Variants in LRRC4C observed in about 807,000 individuals in gnomAD.
LRRC4C encodes leucine-rich repeat-containing protein 4C.
A neutral mutation model predicts 33.6 loss-of-function variants in LRRC4C; 5 were observed. That is an observed-to-expected ratio of 0.15 (90% CI 0.08 to 0.31). The LOEUF (loss-of-function observed/expected upper bound fraction) is 0.31. LRRC4C is among the 10% of genes least tolerant of loss of function. The probability of loss-of-function intolerance (pLI) is 1.00; values close to 1 mark genes in which losing one functional copy is unlikely to be tolerated. For synonymous variants in LRRC4C, 329 were observed against 302.0 expected (o/e 1.09, Z -0.93); for missense variants, 560 against 796.7 (o/e 0.70, Z 3.58).
At chr11:40,584,395 G>C (rs1398100511) in intron 3 of LRRC4C, among the ~76,000 whole-genome samples, 1 of 151,496 alleles carries the variant, frequency 6.6e-6, no homozygotes, top group East Asian at 2.0e-4. Context: ...AGAATCACTG[G>C]TGTGGAGGAC....
intron 2 of LRRC4C, among the ~76,000 whole-genome samples, chr11:40,741,890 C>G (rs1266189100): frequency 6.6e-6 from 1 of 151,954 alleles, no homozygotes; most frequent in East Asian, 1.9e-4. Flanking sequence ...TTCATGATAG[C>G]CAAAGATAGA....
intron 5 of LRRC4C, among the ~76,000 whole-genome samples, chr11:40,143,616 CT>C (rs758962517): frequency 1.3e-5 from 2 of 152,162 alleles, no homozygotes; most frequent in Non-Finnish European, 2.9e-5. Context: ...ATGCAAATAC[CT>C]GTATACTTTG....
chr11:41,307,521 T>C (rs1950538489), intron 1 of LRRC4C, among the ~76,000 whole-genome samples: 1 of 152,174 alleles, frequency 6.6e-6, no homozygotes, highest in Non-Finnish European at 1.5e-5. Context: ...AATGGGCCCT[T>C]ACTTACAAAC....
chr11:41,184,815 CAAA>C (rs34577485), intron 1 of LRRC4C, among the ~76,000 whole-genome samples: 16 of 112,466 alleles, frequency 1.4e-4, no homozygotes, highest in South Asian at 2.8e-4. Context: ...GGGCAATTTA[CAAA>C]AAAAAAAAAA....
At chr11:40,765,234 G>T (rs1949394908) in intron 2 of LRRC4C, among the ~76,000 whole-genome samples, 2 of 152,100 alleles carry the variant, frequency 1.3e-5, no homozygotes, top group Non-Finnish European at 2.9e-5. Context: ...TTCACCATTG[G>T]TGCCACTCTT....
intron 1 of LRRC4C, among the ~76,000 whole-genome samples, chr11:41,448,176 T>G (rs929574723): frequency 1.4e-5 from 2 of 147,094 alleles, no homozygotes; most frequent in East Asian, 4.0e-4. Context: ...ACAGTATTTC[T>G]GCTTTAAAAT....
chr11:41,409,832 A>G (rs768504672), intron 1 of LRRC4C, among the ~76,000 whole-genome samples: 4 of 152,214 alleles, frequency 2.6e-5, no homozygotes, highest in Non-Finnish European at 4.4e-5. Flanking sequence ...AAAATTGCGA[A>G]AAAAAATGAA....
At chr11:41,277,846 T>C (rs1251702500) in intron 1 of LRRC4C, among the ~76,000 whole-genome samples, 1 of 152,044 alleles carries the variant, frequency 6.6e-6, no homozygotes, top group Admixed American at 6.6e-5. Flanking sequence ...AGCAGTACAT[T>C]AGTTCTCAAA....
intron 2 of LRRC4C, among the ~76,000 whole-genome samples, chr11:40,917,549 A>G (rs61886621): frequency 6.6e-6 from 1 of 152,112 alleles, no homozygotes; most frequent in Non-Finnish European, 1.5e-5. Context: ...TTATAACAAC[A>G]GACACAACAG....
intron 4 of LRRC4C, among the ~76,000 whole-genome samples, chr11:40,318,395 C>T (rs886204228): frequency 6.6e-6 from 1 of 152,026 alleles, no homozygotes; most frequent in African/African-American, 2.4e-5. Flanking sequence ...GACCTTCAAT[C>T]TTAGATGATG....
chr11:40,969,539 AT>A (rs1851580410), intron 1 of LRRC4C, among the ~76,000 whole-genome samples: 1 of 152,040 alleles, frequency 6.6e-6, no homozygotes, highest in South Asian at 2.1e-4. Flanking sequence ...CTTTTAAAAA[AT>A]TACCTTAGCC....
At chr11:40,904,731 T>TTTAG (rs1256662924) in intron 2 of LRRC4C, among the ~76,000 whole-genome samples, 3 of 152,124 alleles carry the variant, frequency 2.0e-5, no homozygotes, top group African/African-American at 7.2e-5. Flanking sequence ...CCCCTCCCTG[T>TTTAG]TTAGGTTTAT....
intron 6 of LRRC4C, among the ~76,000 whole-genome samples, chr11:40,116,589 G>T (rs746877855): frequency 6.6e-6 from 1 of 152,106 alleles, no homozygotes. Flanking sequence ...GGACACTAAT[G>T]TATTGTTTAC....
intron 1 of LRRC4C, among the ~76,000 whole-genome samples, chr11:41,018,018 G>T (rs2137627601): frequency 6.6e-6 from 1 of 151,828 alleles, no homozygotes; most frequent in African/African-American, 2.4e-5. Context: ...CCATCCCATG[G>T]GCTCAACATT....
At chr11:41,205,553 C>T (rs974673920) in intron 1 of LRRC4C, among the ~76,000 whole-genome samples, 4 of 152,138 alleles carry the variant, frequency 2.6e-5, no homozygotes, top group Admixed American at 6.5e-5. Context: ...AGTCAATACC[C>T]TCAAACTTGG....
In LRRC4C at chr11:41,106,337, T is replaced by C. The variant is rs541823571; in HGVS notation, c.-495-172614A>G. On this transcript the variant is annotated intron_variant, in intron 1 of 6. Coordinates refer to ENST00000528697, the MANE Select transcript of LRRC4C (RefSeq NM_001258419.2). ...AGCAAGTAAAGTTGTGATGGTTAAC[T>C]ATGCTAATAGCTAGATGTATTATTT... 2.3e-4 allele frequency among the ~76,000 whole-genome samples: 35 copies of C among 152,152 alleles called. No homozygotes were observed. The South Asian group carries it at 5.2e-3, about 23-fold the overall frequency.
intron 2 of LRRC4C, among the ~76,000 whole-genome samples, chr11:40,690,005 A>G (rs1945153546): frequency 6.6e-6 from 1 of 152,120 alleles, no homozygotes; most frequent in Non-Finnish European, 1.5e-5. Context: ...TGTGCAATGC[A>G]TTCAAAGTAA....
At chr11:40,885,754 A>C (rs765067533) in intron 2 of LRRC4C, among the ~76,000 whole-genome samples, 2 of 152,164 alleles carry the variant, frequency 1.3e-5, no homozygotes, top group Non-Finnish European at 2.9e-5. Flanking sequence ...ATTTAGTCAG[A>C]GTACTTATCA....
intron 1 of LRRC4C, among the ~76,000 whole-genome samples, chr11:40,935,109 T>C (rs1032758557): frequency 1.3e-5 from 2 of 152,172 alleles, no homozygotes; most frequent in Admixed American, 6.6e-5. Context: ...GAAAACCCCA[T>C]GAGGGTGGGG....
Sources: gnomAD v4.1 joint callset for allele counts (sites outside exome capture counted in the v4.1 genomes callset) on GRCh38, gnomAD v4.1.1 for gene constraint, MANE v1.5 for transcripts, NCBI Gene and HGNC (gene_info 2026-07-23, HGNC 2026-07-21) for gene names.